The following SSH2 variants were observed in gnomAD, a reference collection of about 807,000 sequenced individuals.
SSH2 encodes the protein slingshot protein phosphatase 2, also known as protein phosphatase Slingshot homolog 2.
In SSH2, 37 loss-of-function variants were observed where a neutral mutation model predicts 135.2. The observed-to-expected ratio is 0.27, with a 90% CI of 0.21 to 0.36. The LOEUF is 0.36. Among genes scored for constraint, SSH2 ranks in the 10% least tolerant of loss-of-function variants. The pLI, the probability that SSH2 is intolerant of heterozygous loss-of-function variation, is 1.00. For synonymous variants in SSH2, 628 were observed against 646.2 expected, an observed-to-expected ratio of 0.97 and a Z score of 0.43; for missense variants, 1,408 against 1,765.3, an observed-to-expected ratio of 0.80 and a Z score of 3.63.
chr17:29,766,499 T>C (rs1478074852), intron 3 of SSH2, among the ~76,000 whole-genome samples: 2 of 151,672 alleles, frequency 1.3e-5, no homozygotes, highest in East Asian at 3.9e-4. Flanking sequence ...ATAAAATATA[T>C]GCAAATTTCC....
rs77225989 is a variant in SSH2, at chr17:29,728,255, T to C, written c.189-25193A>G. ...TACAAAAATCAGTAGCATTTCTATA[T>C]GCCAACAGCAAACAATCTGAAAACG... is the stretch of plus-strand genomic sequence containing the variant. On this transcript the variant is annotated intron_variant, in intron 3 of 15. Transcript: ENST00000540801. Among the ~76,000 whole-genome samples the C allele has an allele frequency of 8.0e-3, 1,224 of 152,320 alleles. 18 individuals are homozygous for C. Among genetic ancestry groups the C allele is most frequent in the African/African-American group, 0.028 (1,178 of 41,564 alleles).
intron 2 of SSH2, among the ~76,000 whole-genome samples, chr17:29,841,730 G>A (rs997076202): frequency 2.0e-5 from 3 of 151,850 alleles, no homozygotes; most frequent in Admixed American, 1.3e-4. Flanking sequence ...TTCTTTTTCT[G>A]TTTTTTCTTT....
chr17:29,892,662 C>T (rs2066371980), intron 1 of SSH2, among the ~76,000 whole-genome samples: 1 of 151,742 alleles, frequency 6.6e-6, no homozygotes. Context: ...AAAAAGTAGA[C>T]AAAAACAATA....
chr17:29,629,958 C>G lies in SSH2; in HGVS notation c.*883G>C, dbSNP rs1225436771. 6.6e-6 allele frequency: 1 copy of G among 152,638 alleles called. No homozygotes were observed. Among genetic ancestry groups the G allele is most frequent in the Admixed American group, 6.5e-5 (1 of 15,284 alleles). The allele number at this position is 152,638 out of a possible 1,614,324, so 9.5% of individuals were successfully genotyped here. Reference sequence around the variant, plus strand: ...TATTCATTTTACAAGAACACACTGACTTTCGATTGCTGCTTTTCAAACATG... The same window carrying G: ...TATTCATTTTACAAGAACACACTGAGTTTCGATTGCTGCTTTTCAAACATG... On this transcript the variant is annotated 3_prime_UTR_variant, in exon 16 of 16. Coordinates refer to ENST00000540801, the MANE Select transcript of SSH2 (RefSeq NM_001282129.2).
At chr17:29,893,700 C>T (rs1167607314) in intron 1 of SSH2, among the ~76,000 whole-genome samples, 1 of 152,098 alleles carries the variant, frequency 6.6e-6, no homozygotes. Flanking sequence ...TGATCAAATA[C>T]TTTTGGGAAA....
chr17:29,744,860 AGTGTGTGTGTGTGTGTGT>A (rs71689248), intron 3 of SSH2, among the ~76,000 whole-genome samples: 138 of 140,538 alleles, frequency 9.8e-4, no homozygotes, highest in African/African-American at 3.4e-3. Flanking sequence ...GGATTACTTG[AGTGTGTGTGTGTGTGTGT>A]GTGTGTGTGT....
chr17:29,812,374 C>T (rs1180239335), intron 2 of SSH2, among the ~76,000 whole-genome samples: 1 of 152,008 alleles, frequency 6.6e-6, no homozygotes, highest in African/African-American at 2.4e-5. Context: ...GCCTCTGCCT[C>T]CCAGACTCAC....
rs377578456 is a variant in SSH2, at chr17:29,641,290, A to T, written c.1428-4488T>A. On this transcript the variant is annotated intron_variant, in intron 14 of 15. Transcript: ENST00000540801. ...CTGAGACAGTTTATTCTAACACTTC[A>T]TCACTGGTAGGAATAGATGTAATGT... 5.9e-5 allele frequency among the ~76,000 whole-genome samples: 9 copies of T among 152,344 alleles called. No individual in the cohort carries two copies. The East Asian group carries it at 1.7e-3, about 29-fold the overall frequency.
chr17:29,634,274 G>C (rs1307861459), intron 15 of SSH2, among the ~76,000 whole-genome samples: 1 of 152,164 alleles, frequency 6.6e-6, no homozygotes, highest in Non-Finnish European at 1.5e-5. Context: ...CATCAGGAGA[G>C]GCAAAGAATC....
intron 1 of SSH2, among the ~76,000 whole-genome samples, chr17:29,912,572 A>G (rs1599183640): frequency 6.6e-6 from 1 of 152,076 alleles, no homozygotes; most frequent in East Asian, 1.9e-4. Context: ...ACAAAAACTA[A>G]GAAAAAATAG....
chr17:29,650,468 G>C (rs1033160346), intron 13 of SSH2, among the ~76,000 whole-genome samples, 186 bp downstream of exon 13: 23 of 152,060 alleles, frequency 1.5e-4, no homozygotes, highest in African/African-American at 5.1e-4. Flanking sequence ...TTCTCCTAGG[G>C]GTTTACTTTA....
rs144191948 is a variant in SSH2 at position 29,697,275 on chromosome 17, G to C, written c.293-1752C>G. ...AGATCTTGCCCTTATTAAAGTCTAA[G>C]GTGACTGACATAGTCACATAACCAT... is the stretch of plus-strand genomic sequence containing the variant. On this transcript the variant is annotated intron_variant, in intron 4 of 15. Coordinates refer to ENST00000540801, the MANE Select transcript of SSH2 (RefSeq NM_001282129.2). Among the ~76,000 whole-genome samples the C allele has an allele frequency of 3.0e-4, 45 of 152,226 alleles. No individual in the cohort carries two copies. In the East Asian group the frequency reaches 8.3e-3, roughly 28 times the overall value.
At chr17:29,791,649 A>G (rs2042066866) in intron 3 of SSH2, among the ~76,000 whole-genome samples, 1 of 152,226 alleles carries the variant, frequency 6.6e-6, no homozygotes, top group African/African-American at 2.4e-5. Flanking sequence ...GGGGCATTCA[A>G]CTGGCAGGTA....
intron 3 of SSH2, among the ~76,000 whole-genome samples, chr17:29,738,898 C>A (rs1049468257): frequency 6.6e-6 from 1 of 152,140 alleles, no homozygotes; most frequent in Non-Finnish European, 1.5e-5. Context: ...GGAAAAAATA[C>A]TAACTGCCTC....
At chr17:29,801,972 A>G (rs528620367) in intron 2 of SSH2, among the ~76,000 whole-genome samples, 12 of 152,336 alleles carry the variant, frequency 7.9e-5, no homozygotes, top group African/African-American at 2.9e-4. Context: ...TACCTTACCC[A>G]AAGACTATCC....
At chr17:29,650,600 T>A in intron 13 of SSH2, 54 bp downstream of exon 13, 1 of 1,532,864 alleles carries the variant, frequency 6.5e-7, no homozygotes, top group Non-Finnish European at 8.8e-7. Flanking sequence ...CCCAGCCATG[T>A]GTGGTGGGGC....
intron 3 of SSH2, among the ~76,000 whole-genome samples, chr17:29,781,443 A>G (rs543993763): frequency 6.9e-6 from 1 of 145,062 alleles, no homozygotes; most frequent in East Asian, 2.0e-4. Context: ...ACCATCTCTT[A>G]TATAAGGACA....
intron 1 of SSH2, among the ~76,000 whole-genome samples, chr17:29,893,588 C>T (rs2066390208): frequency 6.6e-6 from 1 of 152,104 alleles, no homozygotes; most frequent in Admixed American, 6.6e-5. Context: ...CTTGGACTTC[C>T]CATCCTCCAG....
chr17:29,854,567 C>T (rs571323760), intron 1 of SSH2, among the ~76,000 whole-genome samples: 14 of 151,816 alleles, frequency 9.2e-5, no homozygotes, highest in Admixed American at 3.3e-4. Context: ...GATGCAAGAA[C>T]TCATGTACTA....
Sources: gnomAD v4.1 joint callset for allele counts (sites outside exome capture counted in the v4.1 genomes callset) on GRCh38, gnomAD v4.1.1 for gene constraint, MANE v1.5 for transcripts, NCBI Gene and HGNC (gene_info 2026-07-23, HGNC 2026-07-21) for gene names.